Variants in CTNNA2 observed in about 807,000 individuals in gnomAD.
CTNNA2 encodes the protein catenin alpha-2.
In CTNNA2, 42 loss-of-function variants were observed where a neutral mutation model predicts 101.0. The observed-to-expected ratio is 0.42, with a 90% confidence interval of 0.32 to 0.54. The LOEUF (loss-of-function observed/expected upper bound fraction) is 0.54, where lower values mean the gene tolerates loss of function less well. CTNNA2 is among the 20% of genes least tolerant of loss of function. The pLI, the probability that CTNNA2 is intolerant of heterozygous loss-of-function variation, is 0.14. For synonymous variants in CTNNA2, 450 were observed against 456.4 expected (o/e 0.99, Z 0.18); for missense variants, 871 against 1,223.1 (o/e 0.71, Z 4.29).
intron 3 of CTNNA2, among the ~76,000 whole-genome samples, chr2:79,335,174 T>A (rs1183208918): frequency 6.6e-6 from 1 of 152,156 alleles, no homozygotes; most frequent in Non-Finnish European, 1.5e-5. Flanking sequence ...CTCCACTTCA[T>A]CTCATTTCCC....
At chr2:79,211,750 G>A (rs1413956302) in intron 2 of CTNNA2, among the ~76,000 whole-genome samples, 1 of 152,098 alleles carries the variant, frequency 6.6e-6, no homozygotes, top group African/African-American at 2.4e-5. Context: ...GGGCTCAGAG[G>A]CATGACATTC....
intron 4 of CTNNA2, among the ~76,000 whole-genome samples, chr2:79,437,558 T>C (rs1346631409): frequency 6.6e-6 from 1 of 152,180 alleles, no homozygotes; most frequent in Non-Finnish European, 1.5e-5. Context: ...ATCATAAACC[T>C]TGGAGGTGCC....
intron 2 of CTNNA2, among the ~76,000 whole-genome samples, chr2:79,212,073 A>G (rs4852467): frequency 0.81 from 122,648 of 152,144 alleles, 49,910 homozygotes; most frequent in East Asian, 0.99. Context: ...GAGGACCCAG[A>G]ACATCTGATT....
chr2:79,566,208 C>G (rs1389020905), intron 1 of CTNNA2, among the ~76,000 whole-genome samples: 2 of 152,116 alleles, frequency 1.3e-5, no homozygotes, highest in Non-Finnish European at 2.9e-5. Flanking sequence ...ATGCCAGCTA[C>G]CAGCTTTCAA....
At chr2:79,993,582 G>C (rs577002997) in intron 7 of CTNNA2, among the ~76,000 whole-genome samples, 2 of 150,776 alleles carry the variant, frequency 1.3e-5, no homozygotes, top group East Asian at 3.9e-4. Context: ...CAGGAAACTA[G>C]AATAGGAAGG....
intron 7 of CTNNA2, among the ~76,000 whole-genome samples, chr2:80,077,780 C>T (rs1698859028): frequency 6.6e-6 from 1 of 152,108 alleles, no homozygotes; most frequent in Admixed American, 6.6e-5. Flanking sequence ...GATTAGTACT[C>T]ACTGGCAGCT....
rs771474697 is a variant in CTNNA2 at position 79,909,717 on chromosome 2, G to A, written c.976G>A (p.Asp326Asn). The A allele has an allele frequency of 1.2e-6, 2 of 1,613,778 alleles. No individual in the cohort carries two copies. The highest frequency in any genetic ancestry group is 1.3e-5 in the African/African-American group (1 of 74,934). The change falls in exon 7 of 19, where the codon GAC becomes AAC. Residue 326 changes from aspartate (D) to asparagine (N), a missense_variant. By Grantham distance (23) the Asp-to-Asn change is conservative. Around this residue, in one of 5 missense-constraint regions of CTNNA2, gnomAD observed 647 missense variants for 831.5 expected, o/e 0.78. Coordinates refer to ENST00000402739, the MANE Select transcript of CTNNA2 (RefSeq NM_001282597.3). ...GGCCGACTCCTCCTGCACGCGAGACGACCGGCGCGAGAGGATCGTGGCGGA... is the reference window on the plus strand; with the variant it reads ...GGCCGACTCCTCCTGCACGCGAGACAACCGGCGCGAGAGGATCGTGGCGGA... ...LMADSSCTRDDRRERIVAECN... is the reference protein window; with the variant it reads ...LMADSSCTRDNRRERIVAECN...
Position 80,621,164 on chromosome 2 carries a change from C to T in CTNNA2, c.2574+1936C>T, listed in dbSNP as rs542167865. Reference sequence around the variant, plus strand: ...AGCAAATTACTTAGATCTCTCGGGCCTCAGTTTTTCTCATCTGTAAAATGA... The same window carrying T: ...AGCAAATTACTTAGATCTCTCGGGCTTCAGTTTTTCTCATCTGTAAAATGA... On this transcript the variant is annotated intron_variant, in intron 18 of 18. Transcript: ENST00000402739. Among the ~76,000 whole-genome samples the T allele has an allele frequency of 1.8e-4, 28 of 151,774 alleles. No homozygotes were observed. The South Asian group carries it at 5.4e-3, about 29-fold the overall frequency.
chr2:79,607,449 A>G (rs1042214950), intron 1 of CTNNA2, among the ~76,000 whole-genome samples: 1 of 152,154 alleles, frequency 6.6e-6, no homozygotes, highest in African/African-American at 2.4e-5. Flanking sequence ...TGCAGAATAC[A>G]TACATTTTTC....
intron 2 of CTNNA2, among the ~76,000 whole-genome samples, chr2:79,252,292 A>T (rs1454302170): frequency 6.6e-6 from 1 of 150,432 alleles, no homozygotes; most frequent in Non-Finnish European, 1.5e-5. Flanking sequence ...TTTGGAAGAG[A>T]TTTTTTTTTT....
chr2:80,633,156 T>G (rs546820486), intron 18 of CTNNA2, among the ~76,000 whole-genome samples: 21 of 152,318 alleles, frequency 1.4e-4, no homozygotes, highest in Admixed American at 1.4e-3. Flanking sequence ...TAAATTATAT[T>G]ATCAGCCTCA....
intron 1 of CTNNA2, among the ~76,000 whole-genome samples, chr2:79,594,194 A>G (rs938482761): frequency 1.3e-5 from 2 of 151,662 alleles, no homozygotes; most frequent in Non-Finnish European, 2.9e-5. Context: ...GGCCTCTTTT[A>G]CTTCTTTTTT....
At chr2:79,505,931 T>A (rs529636298) in intron 5 of CTNNA2, among the ~76,000 whole-genome samples, 1 of 152,308 alleles carries the variant, frequency 6.6e-6, no homozygotes, top group South Asian at 2.1e-4. Flanking sequence ...GTGTCAAAAT[T>A]GTCTTGAATG....
intron 3 of CTNNA2, among the ~76,000 whole-genome samples, chr2:79,761,040 T>A (rs560734710): frequency 6.6e-6 from 1 of 152,334 alleles, no homozygotes; most frequent in African/African-American, 2.4e-5. Context: ...TCTATAAAAT[T>A]CTAAGAATTA....
rs1381054764 is a variant in CTNNA2 at position 79,978,500 on chromosome 2, A to G, written c.1056+68703A>G. ...CAAGGGACACTACTCCCCCTTCCCC[A>G]CCAATAGTTCTGAAGATCAAGTCAT... is the stretch of plus-strand genomic sequence containing the variant. On this transcript the variant is annotated intron_variant, in intron 7 of 18. Coordinates refer to ENST00000402739, the MANE Select transcript of CTNNA2 (RefSeq NM_001282597.3). Among the ~76,000 whole-genome samples, 8 of 152,230 alleles carry G rather than the reference A, an allele frequency of 5.3e-5. No homozygotes were observed. The Middle Eastern group carries it at 0.01, about 194-fold the overall frequency.
rs536138882 is a variant in CTNNA2 at position 79,794,382 on chromosome 2, TG to T, written c.298+49801del. 2.3e-3 allele frequency among the ~76,000 whole-genome samples: 343 copies of T among 152,248 alleles called. 1 individual carries two copies. Among genetic ancestry groups the T allele is most frequent in the African/African-American group, 8.0e-3 (332 of 41,580 alleles). ...CTTTTGAAGATTAGAATGCTTAATA[TG>T]AACCTCAAAGTGAGTATTTATTTAT... On this transcript the variant is annotated intron_variant, in intron 3 of 18. Coordinates refer to ENST00000402739, the MANE Select transcript of CTNNA2 (RefSeq NM_001282597.3).
At chr2:80,547,650 A>G (rs1194012976) in intron 11 of CTNNA2, among the ~76,000 whole-genome samples, 1 of 147,454 alleles carries the variant, frequency 6.8e-6, no homozygotes, top group Non-Finnish European at 1.5e-5. Flanking sequence ...CCATATCTAG[A>G]GCTTAGCTGA....
At chr2:79,936,822 T>G (rs1178812334) in intron 7 of CTNNA2, among the ~76,000 whole-genome samples, 4 of 152,178 alleles carry the variant, frequency 2.6e-5, no homozygotes, top group Non-Finnish European at 4.4e-5. Context: ...AGAGGAGGCC[T>G]GTGCAGATGA....
chr2:79,968,624 T>C (rs1043513341), intron 7 of CTNNA2, among the ~76,000 whole-genome samples: 5 of 152,090 alleles, frequency 3.3e-5, no homozygotes, highest in Admixed American at 3.3e-4. Flanking sequence ...CTGGGCAATA[T>C]TGTAAGACCC....
Sources: gnomAD v4.1 joint callset for allele counts (sites outside exome capture counted in the v4.1 genomes callset) on GRCh38, gnomAD v4.1.1 for gene constraint, gnomAD v4.1.1 regional missense constraint, MANE v1.5 for transcripts, NCBI Gene and HGNC (gene_info 2026-07-23, HGNC 2026-07-21) for gene names.